METTL4: variants seen among roughly 807,000 people sequenced by gnomAD.
METTL4 encodes methyltransferase 4, N6-adenosine.
METTL4 carries 40 observed loss-of-function variants against 54.0 expected under a neutral mutation model. That is an observed-to-expected ratio of 0.74 (90% CI 0.58 to 0.96). The LOEUF is 0.96. Ranked by LOEUF, METTL4 falls within the 50% of genes least tolerant of loss-of-function variation. METTL4 has a pLI of 0.00. For missense variants in METTL4, 525 were observed against 549.0 expected (o/e 0.96, Z 0.44); for synonymous variants, 169 against 183.8 (o/e 0.92, Z 0.65).
Position 2,567,249 on chromosome 18 carries a change from G to C in METTL4, c.-33C>G, listed in dbSNP as rs1338384463. The C allele has an allele frequency of 2.0e-6, 3 of 1,523,222 alleles. No homozygotes were observed. Among genetic ancestry groups the C allele is most frequent in the Non-Finnish European group, 2.6e-6 (3 of 1,138,630 alleles). 94.4% of individuals were successfully genotyped at this position (1,523,222 alleles called of 1,614,324 possible). A position where few individuals can be genotyped will look rare whatever the true frequency, so the allele number is the denominator to read the frequency against. The stretch of plus-strand genomic sequence containing the variant: ...CTTTAAAAAAGCCTCTGGGAATTAG[G>C]AACTAGAATGAAAATCCAACTTTCC... On this transcript the variant is annotated 5_prime_UTR_variant, in exon 2 of 9. Coordinates refer to ENST00000574538, the MANE Select transcript of METTL4 (RefSeq NM_022840.5).
At chr18:2,556,821 TGAG>T (rs2143547551) in intron 3 of METTL4, among the ~76,000 whole-genome samples, 1 of 149,896 alleles carries the variant, frequency 6.7e-6, no homozygotes, top group South Asian at 2.1e-4. Context: ...CTGAAGAGGA[TGAG>T]GAGGAGGTGG....
At chr18:2,552,810 C>A in intron 4 of METTL4, 46 bp from the exon 5 acceptor site, 1 of 1,300,466 alleles carries the variant, frequency 7.7e-7, no homozygotes, top group South Asian at 1.3e-5. Context: ...TCTATGTGAT[C>A]ACTTTAAAAA....
At chr18:2,566,622 G>T in intron 2 of METTL4, 199 bp downstream of exon 2, 1 of 307,128 alleles carries the variant, frequency 3.3e-6, no homozygotes. Context: ...GCTTATTTTT[G>T]AAATACTATG....
chr18:2,547,318 A>G (rs541530547), intron 6 of METTL4, 37 bp downstream of exon 6: 36 of 1,481,764 alleles, frequency 2.4e-5, no homozygotes, highest in Non-Finnish European at 3.2e-5. Context: ...GACTTCTATC[A>G]AGCTGTATTA....
intron 8 of METTL4, among the ~76,000 whole-genome samples, chr18:2,541,745 TA>T (rs11434085): frequency 2.7e-5 from 4 of 148,370 alleles, no homozygotes; most frequent in African/African-American, 9.9e-5. Flanking sequence ...CAATTAAACT[TA>T]AAAAAAAAAA....
intron 5 of METTL4, among the ~76,000 whole-genome samples, chr18:2,549,219 T>A (rs565370368): frequency 6.6e-6 from 1 of 152,348 alleles, no homozygotes; most frequent in African/African-American, 2.4e-5. Flanking sequence ...TTAAAGCTTA[T>A]CCCTCCGGTT....
chr18:2,554,727 T>C lies in METTL4; in HGVS notation c.771A>G (p.Leu257=), dbSNP rs545515548. 1.9e-6 allele frequency: 3 copies of C among 1,611,338 alleles called. No homozygotes were observed. The highest frequency in any genetic ancestry group is 2.7e-5 in the African/African-American group (2 of 74,568). ...VITLMGQKYL[L]PPKSSFLLSD... is the part of the protein sequence containing the mutation. ...ATAAAAGAAAACTGCTTTTCGGTGG[T>C]AGCAGGTATTTCTGTCCCATTAAAG... Residue 257 remains leucine (L), a synonymous_variant, in exon 4 of 9, where the codon CTA becomes CTG. Coordinates refer to ENST00000574538, the MANE Select transcript of METTL4 (RefSeq NM_022840.5).
intron 5 of METTL4, among the ~76,000 whole-genome samples, chr18:2,552,447 G>A (rs1220064644): frequency 1.3e-5 from 2 of 152,142 alleles, no homozygotes; most frequent in African/African-American, 4.8e-5. Context: ...GTCCTTTGGT[G>A]TTAACAGAAA....
intron 5 of METTL4, among the ~76,000 whole-genome samples, chr18:2,549,463 T>C (rs2072119583): frequency 6.6e-6 from 1 of 151,964 alleles, no homozygotes; most frequent in Admixed American, 6.6e-5. Flanking sequence ...AGAAGAGAAA[T>C]TCCCTCAATT....
rs772175413 is a variant in METTL4 at position 2,567,133 on chromosome 18, C to T, written c.84G>A (p.Gln28=). 1 of 1,614,034 alleles carries T rather than the reference C, an allele frequency of 6.2e-7. No individual in the cohort carries two copies. The highest frequency in any genetic ancestry group is 1.7e-4 in the Middle Eastern group (1 of 6,060). ...TTTTACGGCAACAAGGTTCATGATG[C>T]TGGTGAAGTTGATAGTTTATCTTGT... ...FINKINYQLH[Q]HHEPCCRKKE... Residue 28 remains glutamine, a synonymous_variant, in exon 2 of 9, where the codon CAG becomes CAA. Transcript: ENST00000574538.
In METTL4 at chr18:2,564,130, A is replaced by G. The variant is rs191489863; in HGVS notation, c.397-271T>C. Among the ~76,000 whole-genome samples the G allele has an allele frequency of 3.1e-3, 465 of 152,220 alleles. 4 individuals are homozygous for G. In the East Asian group the frequency reaches 0.037, roughly 12 times the overall value. The stretch of plus-strand genomic sequence containing the variant: ...TAATAAGAACTAGTTCTGGCCGGGC[A>G]CGGTGGCTCACGCCTGTAATCCCAG... On this transcript the variant is annotated intron_variant, in intron 2 of 8. Transcript: ENST00000574538.
In METTL4 at chr18:2,554,918, C is replaced by T; in HGVS notation, c.580G>A (p.Asp194Asn). 1 of 1,614,060 alleles carries T rather than the reference C, an allele frequency of 6.2e-7. No individual in the cohort carries two copies. The highest frequency in any genetic ancestry group is 2.2e-5 in the East Asian group (1 of 44,876). Residue 194 changes from aspartate to asparagine, a missense_variant, in exon 4 of 9, where the codon GAC becomes AAC. Coordinates refer to ENST00000574538, the MANE Select transcript of METTL4 (RefSeq NM_022840.5). ...KGSKPITLPLDACSLSELCEM... is the reference protein window; with the variant it reads ...KGSKPITLPLNACSLSELCEM... ...CATAATTCTGACAAACTGCAGGCGT[C>T]AAGTGGTAAAGTAATGGGCTTACTA... is the stretch of plus-strand genomic sequence containing the variant.
At chr18:2,552,073 C>A (rs1238703569) in intron 5 of METTL4, among the ~76,000 whole-genome samples, 1 of 151,850 alleles carries the variant, frequency 6.6e-6, no homozygotes, top group Non-Finnish European at 1.5e-5. Flanking sequence ...TGCGCCTGTA[C>A]TCCCAGCTAC....
chr18:2,548,515 C>A (rs911374603), intron 5 of METTL4, among the ~76,000 whole-genome samples: 1 of 152,180 alleles, frequency 6.6e-6, no homozygotes, highest in Non-Finnish European at 1.5e-5. Flanking sequence ...ACAAAACTGG[C>A]CACTATTCTG....
chr18:2,544,816 C>T lies in METTL4; in HGVS notation c.1075-57G>A. Reference sequence around the variant, plus strand: ...TTTTTTCCCATCACTATAGAGCTTCCACACACACACAAAAGAAATTAAACC... The same window carrying T: ...TTTTTTCCCATCACTATAGAGCTTCTACACACACACAAAAGAAATTAAACC... On this transcript the variant is annotated intron_variant, in intron 6 of 8. Transcript: ENST00000574538. 4 of 1,032,908 alleles carry T rather than the reference C, an allele frequency of 3.9e-6. No individual in the cohort carries two copies. The highest frequency in any genetic ancestry group is 5.9e-6 in the Non-Finnish European group (4 of 679,470). 64.0% of individuals were successfully genotyped at this position (1,032,908 alleles called of 1,614,324 possible). A position where few individuals can be genotyped will look rare whatever the true frequency, so the allele number is the denominator to read the frequency against.
chr18:2,569,969 T>C (rs1298142488), intron 1 of METTL4, among the ~76,000 whole-genome samples: 1 of 152,204 alleles, frequency 6.6e-6, no homozygotes, highest in Non-Finnish European at 1.5e-5. Flanking sequence ...ACTCAGGTTT[T>C]GATATGGTGA....
At position 2,554,895 on chromosome 18, in the gene METTL4, T is replaced by G; in HGVS notation, c.603A>C (p.Leu201Phe). Residue 201 changes from leucine to phenylalanine, a missense_variant, in exon 4 of 9, where the codon TTA (leucine) becomes TTC (phenylalanine). Physicochemically the swap from Leu to Phe is conservative, Grantham distance 22 (BLOSUM62 0). Coordinates refer to ENST00000574538, the MANE Select transcript of METTL4 (RefSeq NM_022840.5). Reference protein sequence around the residue: ...LPLDACSLSELCEMAKHLPSL... With the variant: ...LPLDACSLSEFCEMAKHLPSL... ...AAGGCAAATGCTTTGCCATTTCACA[T>G]AATTCTGACAAACTGCAGGCGTCAA... The G allele has an allele frequency of 1.9e-6, 3 of 1,614,130 alleles. No individual in the cohort carries two copies. Among genetic ancestry groups the G allele is most frequent in the Non-Finnish European group, 2.5e-6 (3 of 1,179,964 alleles).
At chr18:2,545,020 A>T in intron 6 of METTL4, among the ~76,000 whole-genome samples, 1 of 152,134 alleles carries the variant, frequency 6.6e-6, no homozygotes, top group Non-Finnish European at 1.5e-5. Context: ...TCAATTCAAA[A>T]AAGTTACTGA....
chr18:2,568,420 G>GTACCTC (rs2072453376), intron 1 of METTL4: 1 of 150,324 alleles, frequency 6.7e-6, no homozygotes, highest in Non-Finnish European at 1.5e-5. Context: ...AGGAGTAGGA[G>GTACCTC]TACCTCTCAA....
Sources: gnomAD v4.1 joint callset for allele counts (sites outside exome capture counted in the v4.1 genomes callset) on GRCh38, gnomAD v4.1.1 for gene constraint, MANE v1.5 for transcripts, NCBI Gene and HGNC (gene_info 2026-07-23, HGNC 2026-07-21) for gene names.